The following ZC3H12B variants were observed in gnomAD, a reference collection of about 807,000 sequenced individuals.
ZC3H12B encodes the protein probable ribonuclease ZC3H12B.
In ZC3H12B, 7 loss-of-function variants were observed where a neutral mutation model predicts 43.9. That is an observed-to-expected ratio of 0.16 (90% CI 0.09 to 0.30). The LOEUF (loss-of-function observed/expected upper bound fraction) is 0.30. Among genes scored for constraint, ZC3H12B ranks in the 10% least tolerant of loss-of-function variants. ZC3H12B has a pLI of 1.00. For missense variants in ZC3H12B, 475 were observed against 670.2 expected (o/e 0.71, Z 3.22); for synonymous variants, 222 against 241.7 (o/e 0.92, Z 0.76).
At chrX:65,399,429 G>A (rs2066738646) in intron 3 of ZC3H12B, among the ~76,000 whole-genome samples, 1 of 111,751 alleles carries the variant, frequency 8.9e-6, no homozygotes, top group Non-Finnish European at 1.9e-5. Flanking sequence ...TGTATGAAAA[G>A]GTGCTCAATA....
chrX:65,435,644 G>GGTTA (rs1556182955), intron 3 of ZC3H12B, among the ~76,000 whole-genome samples: 5 of 94,364 alleles, frequency 5.3e-5, no homozygotes, highest in African/African-American at 2.0e-4. Context: ...AGAACCAATA[G>GGTTA]GATAGATAGA....
chrX:65,096,892 G>T, the ZC3H12B span, among the ~76,000 whole-genome samples: 1 of 111,313 alleles, frequency 9.0e-6, no homozygotes, highest in African/African-American at 3.3e-5. Context: ...ACTATTGGTA[G>T]AATTCACATA....
chrX:65,291,027 C>T, the ZC3H12B span, among the ~76,000 whole-genome samples: 1 of 111,165 alleles, frequency 9.0e-6, no homozygotes, highest in African/African-American at 3.3e-5. Context: ...GCCTTAAATA[C>T]ATGTAAAAAA....
upstream of ZC3H12B, among the ~76,000 whole-genome samples, chrX:65,363,825 C>T (rs1030757102): frequency 8.9e-6 from 1 of 112,104 alleles, no homozygotes; most frequent in African/African-American, 3.2e-5. Flanking sequence ...TCACTCTCTA[C>T]AGTTCTCATA....
chrX:65,250,141 A>G, the ZC3H12B span, among the ~76,000 whole-genome samples: 25,999 of 108,921 alleles, frequency 0.24, 7,676 homozygotes, highest in African/African-American at 0.83. Context: ...CTGTGTCCAA[A>G]TGTTCTCATT....
chrX:65,092,211 G>GT, the ZC3H12B span, among the ~76,000 whole-genome samples: 2 of 111,983 alleles, frequency 1.8e-5, no homozygotes, highest in Non-Finnish European at 3.8e-5. Flanking sequence ...TGTACAGCCT[G>GT]TGGAACCATG....
chrX:65,236,213 A>G, the ZC3H12B span, among the ~76,000 whole-genome samples: 1 of 111,850 alleles, frequency 8.9e-6, no homozygotes, highest in Non-Finnish European at 1.9e-5. Flanking sequence ...TCAGGCTTTC[A>G]ACTCTCTTTG....
At chrX:65,188,671 T>C in the ZC3H12B span, among the ~76,000 whole-genome samples, 1 of 111,254 alleles carries the variant, frequency 9.0e-6, no homozygotes, top group African/African-American at 3.3e-5. Flanking sequence ...TTTGTAGCTA[T>C]GGTAAATGAA....
chrX:65,272,631 C>T, the ZC3H12B span: 2 of 111,402 alleles, frequency 1.8e-5, no homozygotes, highest in Non-Finnish European at 3.8e-5. Context: ...TTTATGATGC[C>T]CTCTGTTTTA....
chrX:65,432,756 C>T (rs972563752), intron 3 of ZC3H12B, among the ~76,000 whole-genome samples: 1 of 112,233 alleles, frequency 8.9e-6, no homozygotes, highest in African/African-American at 3.2e-5. Context: ...ATGCCTCACA[C>T]CACTGGACCC....
chrX:65,096,739 A>G, the ZC3H12B span, among the ~76,000 whole-genome samples: 3 of 112,164 alleles, frequency 2.7e-5, no homozygotes, highest in Admixed American at 9.4e-5. Flanking sequence ...GACATTGAAG[A>G]GATTTGTAAA....
the ZC3H12B span, among the ~76,000 whole-genome samples, chrX:65,213,252 C>A: frequency 9.1e-6 from 1 of 110,014 alleles, no homozygotes; most frequent in Admixed American, 9.9e-5. Context: ...TGGCTTGCTC[C>A]CTAATATTTT....
At chrX:65,056,715 G>A in the ZC3H12B span, among the ~76,000 whole-genome samples, 1 of 110,923 alleles carries the variant, frequency 9.0e-6, no homozygotes, top group Non-Finnish European at 1.9e-5. Flanking sequence ...TTATTATTGT[G>A]TGGGAGTCTA....
chrX:65,059,262 T>G, the ZC3H12B span, among the ~76,000 whole-genome samples: 4 of 96,463 alleles, frequency 4.1e-5, no homozygotes, highest in Admixed American at 1.3e-4. Context: ...TTTGGCTGCC[T>G]GCGCTTGTGC....
chrX:65,417,056 G>T (rs1411836695), intron 3 of ZC3H12B, among the ~76,000 whole-genome samples: 1 of 111,158 alleles, frequency 9.0e-6, no homozygotes, highest in Non-Finnish European at 1.9e-5. Flanking sequence ...TATTCAAAAG[G>T]CACACTTGGA....
chrX:65,302,465 A>C, the ZC3H12B span, among the ~76,000 whole-genome samples: 2 of 111,948 alleles, frequency 1.8e-5, no homozygotes, highest in Non-Finnish European at 3.8e-5. Context: ...AAATAGGTAC[A>C]TGATATAGGA....
the ZC3H12B span, among the ~76,000 whole-genome samples, chrX:65,247,679 C>A: frequency 8.9e-6 from 1 of 111,829 alleles, no homozygotes; most frequent in Admixed American, 9.5e-5. Flanking sequence ...TAAGTGGGGG[C>A]AGAATTATGA....
At chrX:65,151,631 C>T in the ZC3H12B span, among the ~76,000 whole-genome samples, 9 of 111,238 alleles carry the variant, frequency 8.1e-5, no homozygotes, top group African/African-American at 2.6e-4. Context: ...TGGTTTTTTT[C>T]TTCAATTTTC....
At chrX:65,227,648 A>G in the ZC3H12B span, among the ~76,000 whole-genome samples, 1 of 111,673 alleles carries the variant, frequency 9.0e-6, no homozygotes, top group Non-Finnish European at 1.9e-5. Context: ...AGACTAATAA[A>G]GAAGAAAAGA....
Sources: gnomAD v4.1 joint callset for allele counts (sites outside exome capture counted in the v4.1 genomes callset) on GRCh38, gnomAD v4.1.1 for gene constraint, MANE v1.5 for transcripts, NCBI Gene and HGNC (gene_info 2026-07-23, HGNC 2026-07-21) for gene names.